PLXNA4: variants seen among roughly 807,000 people sequenced by gnomAD.
The protein encoded by PLXNA4 is plexin A4, also known as plexin-A4.
Under a neutral mutation model 191.8 loss-of-function variants are expected in PLXNA4, and 44 were observed. That is an observed-to-expected ratio of 0.23 (90% CI 0.18 to 0.29). PLXNA4 has a LOEUF of 0.29. PLXNA4 is among the 10% of genes least tolerant of loss of function. The pLI, the probability that PLXNA4 is intolerant of heterozygous loss-of-function variation, is 1.00. For synonymous variants in PLXNA4, 1,082 were observed against 1,009.5 expected (o/e 1.07, Z -1.36); for missense variants, 1,800 against 2,488.8 (o/e 0.72, Z 5.89).
At chr7:132,527,622 G>A (rs1461469635) in intron 1 of PLXNA4, among the ~76,000 whole-genome samples, 3 of 150,460 alleles carry the variant, frequency 2.0e-5, no homozygotes, top group Non-Finnish European at 4.4e-5. Context: ...AGTCCAAAGT[G>A]AAAAATCAAT....
chr7:132,418,074 C>T (rs921145197), intron 3 of PLXNA4, among the ~76,000 whole-genome samples: 2 of 152,200 alleles, frequency 1.3e-5, no homozygotes, highest in Admixed American at 1.3e-4. Flanking sequence ...CAGACAAGCA[C>T]CTAGCCAACC....
At chr7:132,399,012 T>C (rs1793871949) in intron 3 of PLXNA4, among the ~76,000 whole-genome samples, 1 of 152,170 alleles carries the variant, frequency 6.6e-6, no homozygotes, top group Non-Finnish European at 1.5e-5. Context: ...TCAAGGCCTC[T>C]CAACCACAGG....
chr7:132,276,294 T>C (rs1424567087), intron 4 of PLXNA4, among the ~76,000 whole-genome samples: 42 of 152,128 alleles, frequency 2.8e-4, no homozygotes, highest in Non-Finnish European at 1.0e-4. Context: ...TCTCATTCTC[T>C]CTCCTCTTTT....
intron 3 of PLXNA4, among the ~76,000 whole-genome samples, chr7:132,432,140 C>T (rs1263395389): frequency 6.6e-6 from 1 of 152,168 alleles, no homozygotes; most frequent in Non-Finnish European, 1.5e-5. Flanking sequence ...CCACCCTCCT[C>T]ACTCCAAGAA....
chr7:132,131,328 T>A (rs1360725013), intron 31 of PLXNA4, among the ~76,000 whole-genome samples: 2 of 151,720 alleles, frequency 1.3e-5, no homozygotes, highest in Admixed American at 1.3e-4. Context: ...GCCAAACAGG[T>A]AACCTGTCTG....
chr7:132,555,045 G>GAAAAAAAAAAAAAAAAAAAAAAAAAA (rs1554467852), intron 1 of PLXNA4, among the ~76,000 whole-genome samples: 4 of 111,936 alleles, frequency 3.6e-5, no homozygotes, highest in Admixed American at 1.9e-4. Flanking sequence ...AAACCTGAAG[G>GAAAAAAAAAAAAAAAAAAAAAAAAAA]AAAAAAAAAA....
intron 29 of PLXNA4, 128 bp from the exon 30 acceptor site, chr7:132,140,939 T>G: frequency 6.9e-7 from 1 of 1,454,846 alleles, no homozygotes; most frequent in South Asian, 1.4e-5. Flanking sequence ...TTCTCTATGC[T>G]GCGGATGGGA....
intron 3 of PLXNA4, among the ~76,000 whole-genome samples, chr7:132,484,318 T>G (rs1797453892): frequency 6.6e-6 from 1 of 152,220 alleles, no homozygotes; most frequent in African/African-American, 2.4e-5. Flanking sequence ...AACGACAGAA[T>G]GCCGTCTGTC....
chr7:132,409,895 G>A (rs1159924638), intron 3 of PLXNA4, among the ~76,000 whole-genome samples: 1 of 152,182 alleles, frequency 6.6e-6, no homozygotes, highest in Non-Finnish European at 1.5e-5. Flanking sequence ...TCACCTAAAG[G>A]GTTAATGCCT....
chr7:132,141,403 T>A (rs1795264891), intron 29 of PLXNA4, among the ~76,000 whole-genome samples: 1 of 152,178 alleles, frequency 6.6e-6, no homozygotes, highest in African/African-American at 2.4e-5. Flanking sequence ...TTCACCCACC[T>A]CATGGGCCCC....
chr7:132,286,003 C>G (rs1342484758), intron 4 of PLXNA4, among the ~76,000 whole-genome samples: 1 of 152,092 alleles, frequency 6.6e-6, no homozygotes, highest in Non-Finnish European at 1.5e-5. Context: ...GACCAGAGTC[C>G]TTGTAATGAC....
intron 24 of PLXNA4, among the ~76,000 whole-genome samples, chr7:132,163,409 T>C (rs1162122704): frequency 6.6e-6 from 1 of 152,218 alleles, no homozygotes; most frequent in Non-Finnish European, 1.5e-5. Context: ...CTTTAGTCGG[T>C]TCTGTTGGTG....
At chr7:132,286,152 G>A (rs1258179776) in intron 4 of PLXNA4, among the ~76,000 whole-genome samples, 1 of 152,196 alleles carries the variant, frequency 6.6e-6, no homozygotes, top group Non-Finnish European at 1.5e-5. Flanking sequence ...CTTCAAGCTG[G>A]AGTTTGCTCT....
Position 132,165,124 on chromosome 7 carries a change from C to A in PLXNA4, c.4353+10G>T. The A allele has an allele frequency of 6.2e-7, 1 of 1,612,340 alleles. No homozygotes were observed. Among genetic ancestry groups the A allele is most frequent in the Non-Finnish European group, 8.5e-7 (1 of 1,178,854 alleles). ...GGCAAGGCCAGAAATACGTCCACAT[C>A]CAACCCTACCTTGAGGAACTTGTAG... On this transcript the variant is annotated intron_variant, in intron 23 of 31. Transcript: ENST00000321063.
In PLXNA4 at chr7:132,508,058, G is replaced by A; in HGVS notation, c.636C>T (p.Gly212=). The A allele has an allele frequency of 6.2e-7, 1 of 1,614,258 alleles. No individual in the cohort carries two copies. The highest frequency in any genetic ancestry group is 1.6e-4 in the Middle Eastern group (1 of 6,062). ...RKLTKNSEAD[G]MFAYVFHDEF... ...CATCATGGAAGACGTACGCGAACAT[G>A]CCATCCGCCTCAGAGTTCTTGGTCA... is the stretch of plus-strand genomic sequence containing the variant. The change falls in exon 2 of 32, where the codon GGC becomes GGT. Residue 212 remains glycine (G), a synonymous_variant. Transcript: ENST00000321063. The surrounding 1 kb of genome is among the most constrained non-coding windows in gnomAD (Gnocchi z 4.4).
At chr7:132,260,107 T>C (rs62465025) in intron 4 of PLXNA4, among the ~76,000 whole-genome samples, 17,044 of 152,172 alleles carry the variant, frequency 0.11, 1,273 homozygotes, top group Non-Finnish European at 0.16. Flanking sequence ...TGGAGAGTTC[T>C]CAAAGAACTT....
chr7:132,468,915 C>T (rs980390984), intron 3 of PLXNA4, among the ~76,000 whole-genome samples: 1 of 151,932 alleles, frequency 6.6e-6, no homozygotes, highest in African/African-American at 2.4e-5. Context: ...GGAATTTCAA[C>T]AGGCACTGAG....
At chr7:132,491,416 G>C (rs909866080) in intron 2 of PLXNA4, among the ~76,000 whole-genome samples, 3 of 152,326 alleles carry the variant, frequency 2.0e-5, no homozygotes, top group South Asian at 4.1e-4. Flanking sequence ...TGTCCCTCCA[G>C]AGAAGGTGAC....
At chr7:132,251,589 C>T (rs931817262) in intron 4 of PLXNA4, among the ~76,000 whole-genome samples, 2 of 152,208 alleles carry the variant, frequency 1.3e-5, no homozygotes, top group Non-Finnish European at 2.9e-5. Flanking sequence ...TTCTCTCTGA[C>T]TTCCTTCTAG....
Sources: allele counts gnomAD v4.1 joint callset (sites outside exome capture counted in the v4.1 genomes callset), GRCh38; gene constraint gnomAD v4.1.1; non-coding constraint Gnocchi (gnomAD v3.1); transcripts MANE v1.5; gene names NCBI Gene and HGNC (gene_info 2026-07-23, HGNC 2026-07-21).